The following LRP6 variants were observed in gnomAD, a reference collection of about 807,000 sequenced individuals.
The protein encoded by LRP6 is low-density lipoprotein receptor-related protein 6.
In LRP6, 43 loss-of-function variants were observed where a neutral mutation model predicts 184.1. The observed-to-expected ratio is 0.23, with a 90% CI of 0.18 to 0.30. The LOEUF is 0.30. Ranked by LOEUF, LRP6 falls within the 10% of genes least tolerant of loss-of-function variation. LRP6 has a pLI of 1.00. For synonymous variants in LRP6, 719 were observed against 684.9 expected, an observed-to-expected ratio of 1.05 and a Z score of -0.78; for missense variants, 1,571 against 2,005.3, an observed-to-expected ratio of 0.78 and a Z score of 4.14.
At chr12:12,159,235 GA>G (rs71061015) in intron 11 of LRP6, 80 bp from the exon 12 acceptor site, 1,987 of 889,496 alleles carry the variant, frequency 2.2e-3, no homozygotes, top group Admixed American at 3.2e-3. Flanking sequence ...CTGGCAAAAA[GA>G]AAAAAAAAAG....
intron 22 of LRP6, among the ~76,000 whole-genome samples, chr12:12,123,444 G>A (rs11054700): frequency 0.1 from 15,319 of 152,206 alleles, 1,028 homozygotes; most frequent in Non-Finnish European, 0.15. Context: ...ACTTTAAGTG[G>A]TTTCCACTTC....
chr12:12,254,027 G>A (rs1282059490), intron 1 of LRP6, among the ~76,000 whole-genome samples: 2 of 150,706 alleles, frequency 1.3e-5, no homozygotes, highest in Non-Finnish European at 3.0e-5. Flanking sequence ...ACCTGTGGTC[G>A]CAGCTACTAG....
intron 3 of LRP6, among the ~76,000 whole-genome samples, chr12:12,199,691 C>A (rs1207112326): frequency 1.3e-5 from 2 of 151,846 alleles, no homozygotes; most frequent in African/African-American, 2.4e-5. Flanking sequence ...CTCGGCCAGG[C>A]ACGGTGGCTC....
At chr12:12,194,935 C>T (rs1863713125) in intron 3 of LRP6, among the ~76,000 whole-genome samples, 2 of 152,006 alleles carry the variant, frequency 1.3e-5, no homozygotes, top group African/African-American at 2.4e-5. Flanking sequence ...CTTCCACATA[C>T]GAGTGAGAAC....
At chr12:12,254,382 G>A (rs2135935684) in intron 1 of LRP6, among the ~76,000 whole-genome samples, 1 of 152,164 alleles carries the variant, frequency 6.6e-6, no homozygotes, top group East Asian at 1.9e-4. Flanking sequence ...ATGATTATGG[G>A]TTTCGTTTAA....
intron 2 of LRP6, among the ~76,000 whole-genome samples, chr12:12,222,575 AAAAGAAAG>A (rs1002134140): frequency 1.2e-4 from 18 of 148,572 alleles, no homozygotes; most frequent in Non-Finnish European, 7.4e-5. Flanking sequence ...TCAAAAAAAA[AAAAGAAAG>A]AAAGAAAGAA....
chr12:12,206,836 T>TG (rs1351747327), intron 2 of LRP6, among the ~76,000 whole-genome samples: 1 of 151,818 alleles, frequency 6.6e-6, no homozygotes, highest in Non-Finnish European at 1.5e-5. Context: ...GCCTGCGGTT[T>TG]GGGAAAAAAC....
At chr12:12,170,982 A>G (rs1296099633) in intron 7 of LRP6, among the ~76,000 whole-genome samples, 1 of 152,184 alleles carries the variant, frequency 6.6e-6, no homozygotes, top group African/African-American at 2.4e-5. Flanking sequence ...TATTAAGACC[A>G]TAGATATATT....
intron 2 of LRP6, among the ~76,000 whole-genome samples, chr12:12,217,604 T>C (rs1864382280): frequency 6.6e-6 from 1 of 152,158 alleles, no homozygotes; most frequent in Non-Finnish European, 1.5e-5. Context: ...CTTTAAAAGC[T>C]ATAGGGACTC....
At chr12:12,123,208 A>ATGAG (rs1220022627) in intron 22 of LRP6, among the ~76,000 whole-genome samples, 1 of 152,246 alleles carries the variant, frequency 6.6e-6, no homozygotes, top group African/African-American at 2.4e-5. Context: ...GTTTATTCTG[A>ATGAG]TGAGTGCCTT....
chr12:12,153,970 C>A (rs1181281302), intron 12 of LRP6, among the ~76,000 whole-genome samples: 3 of 152,342 alleles, frequency 2.0e-5, no homozygotes, highest in Admixed American at 6.5e-5. Context: ...GTGCCAGGGG[C>A]ATTGAGTAGG....
At position 12,118,706 on chromosome 12, in the gene LRP6, G is replaced by A. The variant is rs1055977840; in HGVS notation, c.*2420C>T. 5.9e-5 allele frequency: 9 copies of A among 152,142 alleles called. No individual in the cohort carries two copies. Among genetic ancestry groups the A allele is most frequent in the African/African-American group, 2.2e-4 (9 of 41,436 alleles). 9.4% of individuals were successfully genotyped at this position (152,142 alleles called of 1,614,324 possible). Reference sequence around the variant, plus strand: ...ATTCTCTCATTAAAAAGTACTCCCAGAAATATTAAGAATCCATCTCATCTA... The same window carrying A: ...ATTCTCTCATTAAAAAGTACTCCCAAAAATATTAAGAATCCATCTCATCTA... On this transcript the variant is annotated 3_prime_UTR_variant, in exon 23 of 23. Transcript: ENST00000261349.
In LRP6 at chr12:12,215,892, A is replaced by C. The variant is rs539343882; in HGVS notation, c.450-12492T>G. On this transcript the variant is annotated intron_variant, in intron 2 of 22. Transcript: ENST00000261349. ...CCAGGCATGGTGGCGAGCACCTGTA[A>C]TCCCAGCTACTTGGGAAGTTGAAGC... Among the ~76,000 whole-genome samples the C allele has an allele frequency of 2.0e-5, 3 of 151,798 alleles. No homozygotes were observed. In the East Asian group the frequency reaches 5.9e-4, roughly 30 times the overall value.
chr12:12,162,558 T>C, intron 9 of LRP6, 139 bp from the exon 10 acceptor site: 2 of 719,338 alleles, frequency 2.8e-6, no homozygotes, highest in Non-Finnish European at 4.9e-6. Context: ...AAAATTCACA[T>C]AACTTGCAAG....
chr12:12,249,386 A>G lies in LRP6; in HGVS notation c.56-4731T>C, dbSNP rs1865266932. ...GCGCCTAATGGTGTCTAAAGAAAAT[A>G]TGAAACTCCCTCAGCCACCTCAAGG... On this transcript the variant is annotated intron_variant, in intron 1 of 22. Coordinates refer to ENST00000261349, the MANE Select transcript of LRP6 (RefSeq NM_002336.3). The G allele has an allele frequency of 2.9e-5, 27 of 945,690 alleles. No individual in the cohort carries two copies. The South Asian group carries it at 3.2e-4, about 11-fold the overall frequency. The allele number at this position is 945,690 out of a possible 1,614,324, so 58.6% of individuals were successfully genotyped here.
Position 12,205,325 on chromosome 12 carries a change from C to CAAA in LRP6, c.450-1928_450-1926dup, listed in dbSNP as rs1334062234. The stretch of plus-strand genomic sequence containing the variant: ...CAACAGAATAAGACTCTGTCTCAAA[C>CAAA]AAACAAAAAAAAAAAAAAAAAAAAA... On this transcript the variant is annotated intron_variant, in intron 2 of 22. Coordinates refer to ENST00000261349, the MANE Select transcript of LRP6 (RefSeq NM_002336.3). 2.2e-3 allele frequency among the ~76,000 whole-genome samples: 57 copies of CAAA among 26,236 alleles called. 2 individuals carry two copies. The highest frequency in any genetic ancestry group is 5.1e-3 in the African/African-American group (53 of 10,472). The allele number at this position is 26,236 out of a possible 152,430, so 17.2% of individuals were successfully genotyped here. A position where few individuals can be genotyped will look rare whatever the true frequency, so the allele number is the denominator to read the frequency against.
intron 2 of LRP6, among the ~76,000 whole-genome samples, chr12:12,209,627 G>T (rs537611078): frequency 2.0e-4 from 31 of 152,202 alleles, no homozygotes; most frequent in African/African-American, 7.5e-4. Flanking sequence ...AAATTAAAAA[G>T]CTCATTACAA....
intron 2 of LRP6, among the ~76,000 whole-genome samples, chr12:12,238,927 A>T (rs1050322141): frequency 7.9e-5 from 12 of 151,904 alleles, no homozygotes; most frequent in Non-Finnish European, 1.2e-4. Flanking sequence ...TTCAACTCGT[A>T]AAAAAAACAC....
At chr12:12,157,523 T>A (rs1414084959) in intron 12 of LRP6, among the ~76,000 whole-genome samples, 1 of 152,190 alleles carries the variant, frequency 6.6e-6, no homozygotes, top group African/African-American at 2.4e-5. Context: ...ATTTATTACT[T>A]GTGTAAAGCA....
Sources: gnomAD v4.1 joint callset for allele counts (sites outside exome capture counted in the v4.1 genomes callset) on GRCh38, gnomAD v4.1.1 for gene constraint, MANE v1.5 for transcripts, NCBI Gene and HGNC (gene_info 2026-07-23, HGNC 2026-07-21) for gene names.